FRA10AC1: variants seen among roughly 807,000 people sequenced by gnomAD.
The protein encoded by FRA10AC1 is FRA10A associated CGG repeat 1, also known as protein FRA10AC1.
FRA10AC1 carries 43 observed loss-of-function variants against 56.5 expected under a neutral mutation model. The observed-to-expected ratio is 0.76, with a 90% CI of 0.60 to 0.98. The LOEUF is 0.98. Ranked by LOEUF, FRA10AC1 falls within the 50% of genes least tolerant of loss-of-function variation. The pLI is 0.00. For missense variants in FRA10AC1, 346 were observed against 351.8 expected (o/e 0.98, Z 0.13); for synonymous variants, 112 against 110.5 (o/e 1.01, Z -0.09).
chr10:93,702,572 T>TTA lies in FRA10AC1; in HGVS notation c.-199_-198insTA. The stretch of plus-strand genomic sequence containing the variant: ...CCCGCAACCCGCCTCTCCCTACGGG[T>TTA]CCCGACTGGGCACCACTTCCGGTCC... On this transcript the variant is annotated 5_prime_UTR_variant, in exon 1 of 14. Coordinates refer to ENST00000359204, the MANE Select transcript of FRA10AC1 (RefSeq NM_145246.5). The TTA allele has an allele frequency of 4.6e-6, 1 of 218,526 alleles. No homozygotes were observed. The highest frequency in any genetic ancestry group is 8.9e-6 in the Non-Finnish European group (1 of 111,868). 13.5% of individuals were successfully genotyped at this position (218,526 alleles called of 1,614,324 possible).
chr10:93,673,742 C>A, intron 12 of FRA10AC1: 1 of 442,254 alleles, frequency 2.3e-6, no homozygotes, highest in Non-Finnish European at 4.5e-6. Flanking sequence ...ACTTACTTTG[C>A]GTCAGGCACA....
chr10:93,687,651 G>C, intron 7 of FRA10AC1: 1 of 436,954 alleles, frequency 2.3e-6, no homozygotes, highest in Non-Finnish European at 3.9e-6. Flanking sequence ...CTTTAAGATA[G>C]CTTAAAAGTT....
chr10:93,698,037 T>C (rs1031552346), intron 4 of FRA10AC1, 99 bp downstream of exon 4: 7 of 661,880 alleles, frequency 1.1e-5, no homozygotes, highest in East Asian at 8.9e-5. Flanking sequence ...TCTTTAAAAA[T>C]AAAAAAGCCT....
chr10:93,693,647 TATATATATACCATATATATATACACC>T (rs1239155553), intron 5 of FRA10AC1, among the ~76,000 whole-genome samples: 2 of 142,660 alleles, frequency 1.4e-5, no homozygotes, highest in Non-Finnish European at 3.0e-5. Context: ...ATACACACCA[TATATATATACCATATATATATACACC>T]ATATATATAT....
intron 4 of FRA10AC1, among the ~76,000 whole-genome samples, chr10:93,697,701 T>C (rs776447748): frequency 2.0e-5 from 3 of 152,206 alleles, no homozygotes; most frequent in Non-Finnish European, 2.9e-5. Flanking sequence ...CCTCATTTTA[T>C]TTTTATTTTT....
intron 5 of FRA10AC1, among the ~76,000 whole-genome samples, chr10:93,693,598 CATATATATACACACCAT>C (rs1456062915): frequency 3.8e-5 from 5 of 132,080 alleles, no homozygotes; most frequent in African/African-American, 1.1e-4. Flanking sequence ...ATATACACAC[CATATATATACACACCAT>C]ATATATATAC....
At chr10:93,702,607 A>T (rs1259482797), upstream of FRA10AC1, 1 of 215,376 alleles carries the variant, frequency 4.6e-6, no homozygotes, top group Non-Finnish European at 9.3e-6. Context: ...CGACACGGCC[A>T]CGTGTTACAT....
intron 13 of FRA10AC1, 49 bp downstream of exon 13, chr10:93,670,721 C>T (rs1394257926): frequency 4.1e-6 from 5 of 1,230,014 alleles, no homozygotes; most frequent in Non-Finnish European, 3.6e-6. Context: ...GTTATAGCTT[C>T]CTAAACTGAT....
Position 93,676,684 on chromosome 10 carries a change from T to G in FRA10AC1, c.795A>C (p.Ser265=). The G allele has an allele frequency of 1.9e-6, 3 of 1,568,570 alleles. No homozygotes were observed. The highest frequency in any genetic ancestry group is 2.6e-6 in the Non-Finnish European group (3 of 1,161,926). The change falls in exon 12 of 14, where the codon TCA becomes TCC. Residue 265 remains serine, a synonymous_variant. Transcript: ENST00000359204. ...GAGAATCTTCAGATTTCTTTGAAGA[T>G]GAATGTCCTGAAAAGGAAACATCAT... The part of the protein sequence containing the change: ...EASKKKDKGH[S]SSKKSEDSLL...
chr10:93,671,995 A>C (rs1210216384), intron 12 of FRA10AC1: 26 of 427,618 alleles, frequency 6.1e-5, no homozygotes, highest in Non-Finnish European at 1.1e-4. Context: ...GTCAACTAAA[A>C]ATTTAAAAAT....
At chr10:93,699,985 C>G (rs776924368) in intron 2 of FRA10AC1, 45 bp downstream of exon 2, 1 of 1,032,076 alleles carries the variant, frequency 9.7e-7, no homozygotes. Context: ...TCATATTAAT[C>G]TAGAAAGGAT....
rs1273232462 is a variant in FRA10AC1, at chr10:93,692,648, A to G, written c.378T>C (p.Thr126=). The G allele has an allele frequency of 6.3e-7, 1 of 1,582,430 alleles. No individual in the cohort carries two copies. The highest frequency in any genetic ancestry group is 8.6e-7 in the Non-Finnish European group (1 of 1,158,606). The change falls in exon 6 of 14, where the codon ACT becomes ACC. Residue 126 remains threonine (T), a splice_region_variant and synonymous_variant. Transcript: ENST00000359204. ...LWNEEDEMDM[T]WEKRLAKKYY... is the part of the protein sequence containing the mutation. ...TTACGCCTCTGATGGCTAATTACCA[A>G]GTCATGTCCATTTCGTCCTCCTCAT...
chr10:93,701,398 T>C (rs1279671443), intron 1 of FRA10AC1, among the ~76,000 whole-genome samples: 1 of 152,192 alleles, frequency 6.6e-6, no homozygotes, highest in African/African-American at 2.4e-5. Flanking sequence ...AAACGACATG[T>C]TTCTAGTCCT....
chr10:93,694,753 G>A (rs1260583308), intron 5 of FRA10AC1, 108 bp downstream of exon 5: 9 of 461,212 alleles, frequency 2.0e-5, no homozygotes, highest in East Asian at 5.8e-5. Flanking sequence ...AAGGCACACC[G>A]GAATAGAAAG....
chr10:93,693,526 TACACCATATATATATATATATAC>T (rs1450472951), intron 5 of FRA10AC1, among the ~76,000 whole-genome samples: 186 of 13,478 alleles, frequency 0.014, 3 homozygotes, highest in Non-Finnish European at 0.025. Context: ...TATATATATA[TACACCATATATATATATATATAC>T]ACACATACAT....
At chr10:93,693,778 C>T (rs2059183149) in intron 5 of FRA10AC1, among the ~76,000 whole-genome samples, 1 of 149,916 alleles carries the variant, frequency 6.7e-6, no homozygotes, top group East Asian at 2.0e-4. Context: ...TTTGCAGCAA[C>T]TTGGATGGAG....
At chr10:93,675,501 T>G (rs2133897154) in intron 12 of FRA10AC1, 1 of 158,066 alleles carries the variant, frequency 6.3e-6, no homozygotes, top group Non-Finnish European at 1.4e-5. Context: ...GGTCAGGAGT[T>G]CAAGACCAGC....
At chr10:93,670,725 A>C in intron 13 of FRA10AC1, 45 bp downstream of exon 13, 1 of 1,262,592 alleles carries the variant, frequency 7.9e-7, no homozygotes, top group South Asian at 1.2e-5. Flanking sequence ...TAGCTTCCTA[A>C]ACTGATTGAA....
At chr10:93,674,940 T>C (rs45468996) in intron 12 of FRA10AC1, 14,537 of 152,238 alleles carry the variant, frequency 0.095, 802 homozygotes, top group Middle Eastern at 0.13. Flanking sequence ...AGTATGTATC[T>C]ATGATTTCAT....
Sources: gnomAD v4.1 joint callset for allele counts (sites outside exome capture counted in the v4.1 genomes callset) on GRCh38, gnomAD v4.1.1 for gene constraint, MANE v1.5 for transcripts, NCBI Gene and HGNC (gene_info 2026-07-23, HGNC 2026-07-21) for gene names.